PEG3: variants seen among roughly 807,000 people sequenced by gnomAD.
PEG3 encodes the protein paternally expressed 3.
PEG3 carries 23 observed loss-of-function variants against 35.5 expected under a neutral mutation model. The observed-to-expected ratio is 0.65, with a 90% CI of 0.47 to 0.92. PEG3 has a LOEUF of 0.92. Among genes scored for constraint, PEG3 ranks in the 40% least tolerant of loss-of-function variants. PEG3 has a pLI of 0.00. For synonymous variants in PEG3, 707 were observed against 697.0 expected (o/e 1.01, Z -0.23); for missense variants, 1,960 against 1,985.3 (o/e 0.99, Z 0.24).
chr19:56,833,250 T>C (rs975910905), intron 2 of PEG3: 2 of 481,954 alleles, frequency 4.1e-6, no homozygotes, highest in Non-Finnish European at 8.3e-6. Flanking sequence ...TCCCTCACCA[T>C]GGTGCACCTA....
At chr19:56,837,651 T>C (rs564035964) in intron 1 of PEG3, among the ~76,000 whole-genome samples, 1 of 152,316 alleles carries the variant, frequency 6.6e-6, no homozygotes, top group African/African-American at 2.4e-5. Context: ...GGCACGCCAG[T>C]GCAGCCCGCG....
rs1291400457 is a variant in PEG3 at position 56,810,816 on chromosome 19, TA to T, written c.*2858del. On this transcript the variant is annotated 3_prime_UTR_variant, in exon 10 of 10. Transcript: ENST00000326441. Reference sequence around the variant, plus strand: ...AGCAGTAGTTGTTAGGTGTTGGGAATATAGGTAATTTTTTAAAATAATTTAC... The same window carrying T: ...AGCAGTAGTTGTTAGGTGTTGGGAATTAGGTAATTTTTTAAAATAATTTAC... 2 of 972,294 alleles carry T rather than the reference TA, an allele frequency of 2.1e-6. No homozygotes were observed. Among genetic ancestry groups the T allele is most frequent in the African/African-American group, 3.5e-5 (2 of 56,956 alleles). 60.2% of individuals were successfully genotyped at this position (972,294 alleles called of 1,614,324 possible).
rs114643419 is a variant in PEG3, at chr19:56,835,585, T to C, written c.-163+433A>G. The stretch of plus-strand genomic sequence containing the variant: ...GCTAGCAGATGTTCTCTTGCAAAAG[T>C]ATAAATCAAACAATTATGTTTTCCA... On this transcript the variant is annotated intron_variant, in intron 2 of 9. Transcript: ENST00000326441. 4.0e-3 allele frequency among the ~76,000 whole-genome samples: 615 copies of C among 152,312 alleles called. 2 individuals carry two copies. The highest frequency in any genetic ancestry group is 0.014 in the African/African-American group (582 of 41,582).
chr19:56,815,260 T>C lies in PEG3; in HGVS notation c.3182A>G (p.Glu1061Gly). 1 of 1,614,252 alleles carries C rather than the reference T, an allele frequency of 6.2e-7. No individual in the cohort carries two copies. The highest frequency in any genetic ancestry group is 8.5e-7 in the Non-Finnish European group (1 of 1,180,046). ...KIYDQEKSHG[E>G]ESQGENTDGE... is the part of the protein sequence containing the mutation. ...ATCAGTATTCTCGCCTTGAGACTCC[T>C]CGCCATGAGACTTCTCTTGGTCATA... The change falls in exon 10 of 10, where the codon GAG becomes GGG. Residue 1061 changes from glutamate to glycine, a missense_variant. Coordinates refer to ENST00000326441, the MANE Select transcript of PEG3 (RefSeq NM_006210.3).
At chr19:56,817,713 G>C in intron 9 of PEG3, 33 bp downstream of exon 9, 1 of 1,589,436 alleles carries the variant, frequency 6.3e-7, no homozygotes, top group Non-Finnish European at 8.6e-7. Context: ...CACTGGTTGT[G>C]TGGCTCCTCT....
chr19:56,827,566 T>A (rs1246098818), intron 2 of PEG3, among the ~76,000 whole-genome samples: 1 of 152,234 alleles, frequency 6.6e-6, no homozygotes, highest in African/African-American at 2.4e-5. Context: ...ACTCATATAC[T>A]GCCTGTGGCA....
In PEG3 at chr19:56,813,336, C is replaced by A. The variant is rs1459329300; in HGVS notation, c.*339G>T. Reference sequence around the variant, plus strand: ...GCTATTTTATATACACCTCATGAAACACTATATATACGTTACACAAGTGTC... The same window carrying A: ...GCTATTTTATATACACCTCATGAAAAACTATATATACGTTACACAAGTGTC... On this transcript the variant is annotated 3_prime_UTR_variant, in exon 10 of 10. Transcript: ENST00000326441. 9.8e-7 allele frequency: 1 copy of A among 1,019,166 alleles called. No homozygotes were observed. The highest frequency in any genetic ancestry group is 1.2e-6 in the Non-Finnish European group (1 of 841,070). The allele number at this position is 1,019,166 out of a possible 1,614,324, so 63.1% of individuals were successfully genotyped here.
chr19:56,833,196 T>C, intron 2 of PEG3: 1 of 515,288 alleles, frequency 1.9e-6, no homozygotes, highest in Non-Finnish European at 3.9e-6. Context: ...CAGGAGAAAA[T>C]CCACCGAGTC....
rs908665080 is a variant in PEG3, at chr19:56,812,579, A to G, written c.*1096T>C. The G allele has an allele frequency of 1.0e-6, 1 of 985,736 alleles. No homozygotes were observed. The highest frequency in any genetic ancestry group is 1.2e-6 in the Non-Finnish European group (1 of 829,930). 61.1% of individuals were successfully genotyped at this position (985,736 alleles called of 1,614,324 possible). A position where few individuals can be genotyped will look rare whatever the true frequency, so the allele number is the denominator to read the frequency against. On this transcript the variant is annotated 3_prime_UTR_variant, in exon 10 of 10. Coordinates refer to ENST00000326441, the MANE Select transcript of PEG3 (RefSeq NM_006210.3). ...TAAGCTGATGCTGCACAGGGGACCCAAGCCATGTTGCTACTTGTCACTTAA... is the reference window on the plus strand; with the variant it reads ...TAAGCTGATGCTGCACAGGGGACCCGAGCCATGTTGCTACTTGTCACTTAA...
intron 1 of PEG3, among the ~76,000 whole-genome samples, chr19:56,838,457 C>A (rs1402396128): frequency 1.3e-5 from 2 of 152,182 alleles, no homozygotes; most frequent in African/African-American, 4.8e-5. Flanking sequence ...CGGTCCCGGG[C>A]CCCAGCCCTT....
At chr19:56,829,918 A>G (rs1188306359) in intron 2 of PEG3, among the ~76,000 whole-genome samples, 1 of 152,226 alleles carries the variant, frequency 6.6e-6, no homozygotes, top group Non-Finnish European at 1.5e-5. Flanking sequence ...AGCCACGCCT[A>G]CCACTGAAGA....
chr19:56,825,622 T>G (rs2060948337), intron 3 of PEG3, among the ~76,000 whole-genome samples: 1 of 152,212 alleles, frequency 6.6e-6, no homozygotes. Flanking sequence ...TTTTTGCTAT[T>G]ATTTGCATTT....
At position 56,815,119 on chromosome 19, in the gene PEG3, T is replaced by G. The variant is rs749046951; in HGVS notation, c.3323A>C (p.Glu1108Ala). The G allele has an allele frequency of 2.7e-5, 43 of 1,613,908 alleles. No homozygotes were observed. The South Asian group carries it at 4.5e-4, about 17-fold the overall frequency. The change falls in exon 10 of 10, where the codon GAA becomes GCA. Residue 1108 changes from glutamate to alanine, a missense_variant. Physicochemically the swap from Glu to Ala is moderately radical, Grantham distance 107. Around this residue, in one of 5 missense-constraint regions of PEG3, gnomAD observed 124 missense variants for 179.6 expected, o/e 0.69. Transcript: ENST00000326441. ...QKDDPDDKIY[E>A]CEDCGLGFVD... ...AAAGCCCAGGCCACAGTCCTCACAT[T>G]CATAGATTTTGTCATCAGGGTCATC...
chr19:56,814,277 C>T lies in PEG3; in HGVS notation c.4165G>A (p.Gly1389Ser), dbSNP rs1402347970. ...GGCTCAGCAGCCTCTACGTTTAAGC[C>T]CTGAATCCTCAGAACTACTTGTGGA... Reference protein sequence around the residue: ...HVPQVVLRIQGLNVEAAEPEV... With the variant: ...HVPQVVLRIQSLNVEAAEPEV... The change falls in exon 10 of 10, where the codon GGC becomes AGC. Residue 1389 changes from glycine to serine, a missense_variant. By Grantham distance (56) the Gly-to-Ser change is moderately conservative. Transcript: ENST00000326441. This position sits in a 1 kb window ranked among gnomAD's most constrained non-coding sequence, Gnocchi z 5.8. The T allele has an allele frequency of 2.5e-6, 4 of 1,613,892 alleles. No individual in the cohort carries two copies. Among genetic ancestry groups the T allele is most frequent in the Non-Finnish European group, 3.4e-6 (4 of 1,180,034 alleles).
chr19:56,831,576 C>T (rs2061573151), intron 2 of PEG3, among the ~76,000 whole-genome samples: 1 of 152,198 alleles, frequency 6.6e-6, no homozygotes, highest in Admixed American at 6.5e-5. Context: ...GACAAACATA[C>T]TTTGTTCTAA....
chr19:56,823,250 C>G (rs1392671920), intron 5 of PEG3, among the ~76,000 whole-genome samples: 1 of 152,192 alleles, frequency 6.6e-6, no homozygotes, highest in Non-Finnish European at 1.5e-5. Context: ...CACACACCCT[C>G]CCTGAAAGCA....
intron 2 of PEG3, among the ~76,000 whole-genome samples, chr19:56,833,954 C>A (rs751565756): frequency 2.0e-5 from 3 of 152,168 alleles, no homozygotes; most frequent in African/African-American, 7.2e-5. Flanking sequence ...ACTTACCACA[C>A]TGCAGCAAAA....
chr19:56,823,551 G>A lies in PEG3; in HGVS notation c.481+42C>T, dbSNP rs1316141506. 3.1e-6 allele frequency: 5 copies of A among 1,612,818 alleles called. No individual in the cohort carries two copies. In the East Asian group the frequency reaches 6.7e-5, roughly 22 times the overall value. ...TGTCTCCATCTGGAAGCATCTGGCA[G>A]CGCCTGCCCATGGGTGACCAGTGGG... is the stretch of plus-strand genomic sequence containing the variant. On this transcript the variant is annotated intron_variant, in intron 5 of 9. Transcript: ENST00000326441.
In PEG3 at chr19:56,813,055, C is replaced by G; in HGVS notation, c.*620G>C. ...GTAAAAGCCATGTTATCTATCATGC[C>G]TACAGCTTCACAAGACTATTTAAGG... On this transcript the variant is annotated 3_prime_UTR_variant, in exon 10 of 10. Coordinates refer to ENST00000326441, the MANE Select transcript of PEG3 (RefSeq NM_006210.3). 1.0e-6 allele frequency: 1 copy of G among 985,360 alleles called. No homozygotes were observed. The highest frequency in any genetic ancestry group is 1.2e-6 in the Non-Finnish European group (1 of 829,712). The allele number at this position is 985,360 out of a possible 1,614,324, so 61.0% of individuals were successfully genotyped here.
Sources: gnomAD v4.1 joint callset for allele counts (sites outside exome capture counted in the v4.1 genomes callset) on GRCh38, gnomAD v4.1.1 for gene constraint, gnomAD v4.1.1 regional missense constraint, Gnocchi (gnomAD v3.1) non-coding constraint, MANE v1.5 for transcripts, NCBI Gene and HGNC (gene_info 2026-07-23, HGNC 2026-07-21) for gene names.